The following PLA2G4F variants were observed in gnomAD, a reference collection of about 807,000 sequenced individuals.
PLA2G4F encodes phospholipase A2 group IVF.
PLA2G4F carries 105 observed loss-of-function variants against 103.1 expected under a neutral mutation model. That is an observed-to-expected ratio of 1.02 (90% CI 0.87 to 1.20). The LOEUF is 1.20. Ranked by LOEUF, PLA2G4F falls within the 50% of genes most tolerant of loss-of-function variation. The pLI is 0.00. For missense variants in PLA2G4F, 1,155 were observed against 1,075.9 expected (o/e 1.07, Z -1.03); for synonymous variants, 468 against 441.1 (o/e 1.06, Z -0.76).
chr15:42,153,250 C>T (rs1264496823), intron 6 of PLA2G4F, 50 bp downstream of exon 6: 1 of 1,571,414 alleles, frequency 6.4e-7, no homozygotes, highest in Non-Finnish European at 8.7e-7. Flanking sequence ...TCACGGGTTC[C>T]TCACTGCCCC....
chr15:42,150,554 G>T, intron 8 of PLA2G4F, 54 bp downstream of exon 8: 5 of 1,596,052 alleles, frequency 3.1e-6, no homozygotes, highest in Non-Finnish European at 4.3e-6. Context: ...CGTGGCCCTG[G>T]AACGCCAGTC....
chr15:42,143,010 C>G (rs946985345), intron 18 of PLA2G4F, among the ~76,000 whole-genome samples: 1 of 151,832 alleles, frequency 6.6e-6, no homozygotes, highest in Non-Finnish European at 1.5e-5. Context: ...GAAACCCCGT[C>G]TCTACTAAAA....
In PLA2G4F at chr15:42,147,249, C is replaced by T. The variant is rs960197285; in HGVS notation, c.1294G>A (p.Gly432Arg). The T allele has an allele frequency of 3.2e-5, 52 of 1,612,328 alleles. No individual in the cohort carries two copies. The highest frequency in any genetic ancestry group is 4.1e-5 in the Non-Finnish European group (48 of 1,179,990). Residue 432 changes from glycine (G) to arginine (R), a missense_variant, in exon 13 of 20, where the codon GGA becomes AGA. Physicochemically the swap from Gly to Arg is moderately radical, Grantham distance 125. Coordinates refer to ENST00000397272, the MANE Select transcript of PLA2G4F (RefSeq NM_213600.4). The stretch of plus-strand genomic sequence containing the variant: ...TGTAGCCGCTCCGTGGACAAAGCTC[C>T]CATCTTACTGCTGCAGACGTGAACC... ...AQVHVCSSKMGALSTERLQYY... is the reference protein window; with the variant it reads ...AQVHVCSSKMRALSTERLQYY...
In PLA2G4F at chr15:42,152,692, C is replaced by T. The variant is rs1338940315; in HGVS notation, c.597G>A (p.Glu199=). ...LRGDGTAPRE[E]YGSRQLQLAV... Reference sequence around the variant, plus strand: ...AAGGCCGCTGAGCAGACTCACCGTACTCTTCCCGTGGGGCTGTCCCATCTC... The same window carrying T: ...AAGGCCGCTGAGCAGACTCACCGTATTCTTCCCGTGGGGCTGTCCCATCTC... Residue 199 remains glutamate, a synonymous_variant, in exon 7 of 20, where the codon GAG becomes GAA. Transcript: ENST00000397272. 6.4e-7 allele frequency: 1 copy of T among 1,555,830 alleles called. No individual in the cohort carries two copies. The highest frequency in any genetic ancestry group is 1.2e-5 in the South Asian group (1 of 84,282).
In PLA2G4F at chr15:42,141,356, A is replaced by G. The variant is rs1218131903; in HGVS notation, c.*628T>C. 1.3e-5 allele frequency: 6 copies of G among 456,578 alleles called. No homozygotes were observed. Among genetic ancestry groups the G allele is most frequent in the Admixed American group, 1.2e-4 (5 of 42,554 alleles). 28.3% of individuals were successfully genotyped at this position (456,578 alleles called of 1,614,324 possible). A position where few individuals can be genotyped will look rare whatever the true frequency, so the allele number is the denominator to read the frequency against. On this transcript the variant is annotated 3_prime_UTR_variant, in exon 20 of 20. Coordinates refer to ENST00000397272, the MANE Select transcript of PLA2G4F (RefSeq NM_213600.4). The stretch of plus-strand genomic sequence containing the variant: ...AGCAGCCAGAATGGGACATCACCCC[A>G]CAGGCTTTAGGGCGCTGGGAAGAGA...
intron 17 of PLA2G4F, 121 bp from the exon 18 acceptor site, chr15:42,144,265 C>A: frequency 7.1e-7 from 1 of 1,410,016 alleles, no homozygotes; most frequent in Non-Finnish European, 9.6e-7. Context: ...GCCATGGAGA[C>A]TCCTGCCCCA....
intron 4 of PLA2G4F, among the ~76,000 whole-genome samples, chr15:42,153,861 A>G: frequency 6.6e-6 from 1 of 152,232 alleles, no homozygotes; most frequent in East Asian, 1.9e-4. Context: ...TGTTCTAGAC[A>G]TTGATAATTC....
chr15:42,150,205 C>A (rs1199013665), intron 9 of PLA2G4F, 64 bp from the exon 10 acceptor site: 1 of 1,607,050 alleles, frequency 6.2e-7, no homozygotes, highest in Admixed American at 1.7e-5. Flanking sequence ...GAAATGGCTC[C>A]CCCACCTGCA....
At position 42,155,504 on chromosome 15, in the gene PLA2G4F, T is replaced by TG; in HGVS notation, c.184+12dup. 1 of 1,613,672 alleles carries TG rather than the reference T, an allele frequency of 6.2e-7. No individual in the cohort carries two copies. The highest frequency in any genetic ancestry group is 8.5e-7 in the Non-Finnish European group (1 of 1,179,584). ...GAAAGGACAGAGAGAAGGATGGAGATGGGGTCACTCACGCAGGTCTGTGCC... is the reference window on the plus strand; with the variant it reads ...GAAAGGACAGAGAGAAGGATGGAGATGGGGGTCACTCACGCAGGTCTGTGCC... On this transcript the variant is annotated intron_variant, in intron 2 of 19. Coordinates refer to ENST00000397272, the MANE Select transcript of PLA2G4F (RefSeq NM_213600.4).
intron 7 of PLA2G4F, chr15:42,151,127 C>T: frequency 1.0e-6 from 1 of 985,304 alleles, no homozygotes; most frequent in Non-Finnish European, 1.2e-6. Flanking sequence ...AGTTTTCAGG[C>T]AGTGGTTTCC....
In PLA2G4F at chr15:42,142,211, G is replaced by T. The variant is rs776611177; in HGVS notation, c.2330-7C>A. On this transcript the variant is annotated splice_polypyrimidine_tract_variant and splice_region_variant and intron_variant, in intron 19 of 19. Transcript: ENST00000397272. ...GCTGTTTGTCGCTCCACACCTGTGG[G>T]TGGGGGAAGCAGAGGAGAGGCCAGG... 1.9e-6 allele frequency: 3 copies of T among 1,605,824 alleles called. No individual in the cohort carries two copies. The highest frequency in any genetic ancestry group is 1.7e-5 in the Admixed American group (1 of 59,618).
Position 42,141,721 on chromosome 15 carries a change from G to A in PLA2G4F, c.*263C>T, listed in dbSNP as rs529076313. On this transcript the variant is annotated 3_prime_UTR_variant, in exon 20 of 20. Transcript: ENST00000397272. ...CTCTCCACACCCCGCTGTGAAATGA[G>A]TGCTGTTCTCTTCTGCCCTACATCC... The A allele has an allele frequency of 3.0e-5, 18 of 600,906 alleles. No individual in the cohort carries two copies. In the Admixed American group the frequency reaches 3.8e-4, roughly 13 times the overall value. 37.2% of individuals were successfully genotyped at this position (600,906 alleles called of 1,614,324 possible).
rs527839092 is a variant in PLA2G4F at position 42,144,057 on chromosome 15, G to A, written c.2063C>T (p.Pro688Leu). Residue 688 changes from proline to leucine, a missense_variant, in exon 18 of 20, where the codon CCG (proline) becomes CTG (leucine). Coordinates refer to ENST00000397272, the MANE Select transcript of PLA2G4F (RefSeq NM_213600.4). ...CTGAGGCAGCAGAGCCAGTGGGAAC[G>A]GAGAGTTGATGGCAAAGCCTCCGTC... ...LVDGGFAINS[P>L]FPLALLPQRA... The A allele has an allele frequency of 1.1e-5, 17 of 1,614,074 alleles. No homozygotes were observed. In the East Asian group the frequency reaches 2.0e-4, roughly 19 times the overall value.
At chr15:42,156,290 C>T (rs142131008) in intron 1 of PLA2G4F, 149 bp downstream of exon 1, 22 of 597,180 alleles carry the variant, frequency 3.7e-5, no homozygotes, top group African/African-American at 3.5e-4. Flanking sequence ...GAGCCAAGGT[C>T]TAATTTAAGC....
chr15:42,149,245 GAAGT>G (rs1274342531), intron 11 of PLA2G4F: 2 of 872,156 alleles, frequency 2.3e-6, no homozygotes, highest in African/African-American at 3.7e-5. Context: ...TAATAAAGGT[GAAGT>G]GAGTAAGGGT....
In PLA2G4F at chr15:42,154,551, G is replaced by T; in HGVS notation, c.185-93C>A. ...CTAGGGCAGAAGGGGAAGGAGCAGAGTGGGGAGGGGAAGCCGCCCACGTGG... is the reference window on the plus strand; with the variant it reads ...CTAGGGCAGAAGGGGAAGGAGCAGATTGGGGAGGGGAAGCCGCCCACGTGG... On this transcript the variant is annotated intron_variant, in intron 2 of 19. Coordinates refer to ENST00000397272, the MANE Select transcript of PLA2G4F (RefSeq NM_213600.4). 2.9e-6 allele frequency: 4 copies of T among 1,401,726 alleles called. 1 individual carries two copies. Among genetic ancestry groups the T allele is most frequent in the Non-Finnish European group, 3.7e-6 (4 of 1,070,430 alleles). The allele number at this position is 1,401,726 out of a possible 1,614,324, so 86.8% of individuals were successfully genotyped here. A position where few individuals can be genotyped will look rare whatever the true frequency, so the allele number is the denominator to read the frequency against.
chr15:42,153,780 G>A, intron 4 of PLA2G4F, 120 bp from the exon 5 acceptor site: 1 of 1,129,582 alleles, frequency 8.9e-7, no homozygotes, highest in South Asian at 1.4e-5. Context: ...ATTGTGGCTT[G>A]TCATGGACAT....
intron 2 of PLA2G4F, among the ~76,000 whole-genome samples, chr15:42,155,088 C>G (rs2049001223): frequency 1.3e-5 from 2 of 148,664 alleles, no homozygotes; most frequent in African/African-American, 5.1e-5. Flanking sequence ...AACACGCACA[C>G]ACGTATACAC....
At chr15:42,150,215 A>C in intron 9 of PLA2G4F, 74 bp from the exon 10 acceptor site, 1 of 1,601,322 alleles carries the variant, frequency 6.2e-7, no homozygotes, top group Admixed American at 1.7e-5. Flanking sequence ...CCCCACCTGC[A>C]GCCCTTGCTG....
Sources: allele counts gnomAD v4.1 joint callset (sites outside exome capture counted in the v4.1 genomes callset), GRCh38; gene constraint gnomAD v4.1.1; transcripts MANE v1.5; gene names NCBI Gene and HGNC (gene_info 2026-07-23, HGNC 2026-07-21).